The following ITGB3BP variants were observed in gnomAD, a reference collection of about 807,000 sequenced individuals.
ITGB3BP encodes integrin subunit beta 3 binding protein, also known as centromere protein R.
In ITGB3BP, 27 loss-of-function variants were observed where a neutral mutation model predicts 29.1. That is an observed-to-expected ratio of 0.93 (90% confidence interval 0.68 to 1.28). The LOEUF (loss-of-function observed/expected upper bound fraction) is 1.28, where lower values mean the gene tolerates loss of function less well. Ranked by LOEUF, ITGB3BP falls within the 50% of genes most tolerant of loss-of-function variation. The pLI is 0.00. For missense variants in ITGB3BP, 192 were observed against 200.2 expected (o/e 0.96, Z 0.25); for synonymous variants, 61 against 61.4 (o/e 0.99, Z 0.03).
chr1:63,458,677 T>C (rs1368506492), intron 4 of ITGB3BP, among the ~76,000 whole-genome samples: 1 of 152,148 alleles, frequency 6.6e-6, no homozygotes, highest in Non-Finnish European at 1.5e-5. Context: ...TAACTTCCAA[T>C]TGTTTGACAT....
At chr1:63,482,380 A>G (rs1645453858) in intron 3 of ITGB3BP, among the ~76,000 whole-genome samples, 1 of 151,894 alleles carries the variant, frequency 6.6e-6, no homozygotes. Context: ...ACTATAGGCA[A>G]TCATTTTGGT....
intron 1 of ITGB3BP, among the ~76,000 whole-genome samples, chr1:63,522,445 A>C (rs1428109221): frequency 1.3e-5 from 2 of 152,142 alleles, no homozygotes; most frequent in Non-Finnish European, 2.9e-5. Context: ...CCACTCCCCC[A>C]ACCTTTAATG....
intron 2 of ITGB3BP, among the ~76,000 whole-genome samples, chr1:63,500,780 C>G (rs560390217): frequency 1.3e-5 from 2 of 152,018 alleles, no homozygotes; most frequent in Non-Finnish European, 2.9e-5. Context: ...AGTGGACTAA[C>G]TGATCCCAAA....
chr1:63,502,650 G>T (rs899963665), intron 2 of ITGB3BP, among the ~76,000 whole-genome samples: 17 of 147,504 alleles, frequency 1.2e-4, no homozygotes, highest in Non-Finnish European at 2.1e-4. Flanking sequence ...ATCTCCTAAT[G>T]CTATCCCTCT....
chr1:63,515,604 G>T (rs1646297818), intron 1 of ITGB3BP, among the ~76,000 whole-genome samples: 1 of 151,958 alleles, frequency 6.6e-6, no homozygotes, highest in Admixed American at 6.6e-5. Context: ...GAGGTGGGCA[G>T]ATTACAAGGT....
chr1:63,460,016 C>CA (rs374456702), intron 4 of ITGB3BP, among the ~76,000 whole-genome samples: 1,670 of 145,628 alleles, frequency 0.011, 11 homozygotes, highest in African/African-American at 0.028. Context: ...CATTCTTTGT[C>CA]AAAAAAAAAA....
chr1:63,458,069 C>T (rs1246107900), intron 4 of ITGB3BP: 2 of 152,146 alleles, frequency 1.3e-5, no homozygotes, highest in Non-Finnish European at 2.9e-5. Flanking sequence ...AGTTCTCTCA[C>T]ATTCCTCAAA....
intron 1 of ITGB3BP, among the ~76,000 whole-genome samples, chr1:63,514,901 G>A (rs900990940): frequency 6.9e-5 from 10 of 144,552 alleles, no homozygotes; most frequent in Admixed American, 2.8e-4. Flanking sequence ...AGCCAAGATC[G>A]TGCCACTGCA....
In ITGB3BP at chr1:63,453,912, A is replaced by G; in HGVS notation, c.484+6T>C. 1 of 1,549,422 alleles carries G rather than the reference A, an allele frequency of 6.5e-7. No individual in the cohort carries two copies. Among genetic ancestry groups the G allele is most frequent in the South Asian group, 1.1e-5 (1 of 87,578 alleles). On this transcript the variant is annotated splice_donor_region_variant and intron_variant, in intron 7 of 8. Coordinates refer to ENST00000271002, the MANE Select transcript of ITGB3BP (RefSeq NM_014288.5). ...TTATGTAATAAACTAAAACACAACT[A>G]CTTACCTTTGTGAGGAAGTCCTGTA... is the stretch of plus-strand genomic sequence containing the variant.
intron 2 of ITGB3BP, among the ~76,000 whole-genome samples, chr1:63,495,382 T>C (rs968405762): frequency 6.6e-6 from 1 of 152,164 alleles, no homozygotes; most frequent in Non-Finnish European, 1.5e-5. Context: ...TGAAGAATCA[T>C]GAAGTCTTTA....
chr1:63,497,792 C>T (rs890568265), intron 2 of ITGB3BP, among the ~76,000 whole-genome samples: 12 of 152,178 alleles, frequency 7.9e-5, no homozygotes, highest in Non-Finnish European at 1.8e-4. Flanking sequence ...TCCCCGTCTT[C>T]CTGAACTGCA....
chr1:63,528,495 A>C (rs190602437), intron 2 of ITGB3BP, among the ~76,000 whole-genome samples: 1 of 152,300 alleles, frequency 6.6e-6, no homozygotes, highest in Admixed American at 6.5e-5. Context: ...AATAAGACCT[A>C]GTATTTAGCT....
At chr1:63,447,071 G>A (rs913018744) in intron 7 of ITGB3BP, 7 of 520,998 alleles carry the variant, frequency 1.3e-5, no homozygotes, top group Non-Finnish European at 2.1e-5. Context: ...AATTTATTAC[G>A]AAAACTTCCA....
chr1:63,515,376 C>A (rs747606643), intron 1 of ITGB3BP, among the ~76,000 whole-genome samples: 3 of 152,086 alleles, frequency 2.0e-5, no homozygotes, highest in Non-Finnish European at 4.4e-5. Flanking sequence ...GAGTTCATTA[C>A]CAACACTTTA....
intron 4 of ITGB3BP, among the ~76,000 whole-genome samples, chr1:63,458,545 C>T (rs575524178): frequency 2.6e-5 from 4 of 152,044 alleles, no homozygotes; most frequent in South Asian, 2.1e-4. Context: ...TAGATTCCCT[C>T]GGATGCAAGC....
upstream of ITGB3BP, chr1:63,525,643 C>T: frequency 6.2e-7 from 1 of 1,603,594 alleles, no homozygotes; most frequent in Non-Finnish European, 8.5e-7. Flanking sequence ...AGTCCTCGAA[C>T]AAAGAAATTT....
intron 2 of ITGB3BP, among the ~76,000 whole-genome samples, chr1:63,503,546 T>C (rs1645993783): frequency 6.6e-6 from 1 of 152,246 alleles, no homozygotes; most frequent in Non-Finnish European, 1.5e-5. Context: ...TTGTCTTTTG[T>C]TGCCCATTGC....
intron 3 of ITGB3BP, among the ~76,000 whole-genome samples, chr1:63,480,989 T>C (rs985614492): frequency 5.9e-5 from 9 of 152,074 alleles, no homozygotes; most frequent in African/African-American, 2.2e-4. Context: ...TTTCAGAAAA[T>C]CTTTGCCTAA....
intron 7 of ITGB3BP, chr1:63,447,587 C>A: frequency 2.0e-6 from 1 of 499,332 alleles, no homozygotes; most frequent in Admixed American, 2.1e-5. Context: ...GGGAGAGCTT[C>A]ACAGAGGTTG....
Sources: gnomAD v4.1 joint callset for allele counts (sites outside exome capture counted in the v4.1 genomes callset) on GRCh38, gnomAD v4.1.1 for gene constraint, MANE v1.5 for transcripts, NCBI Gene and HGNC (gene_info 2026-07-23, HGNC 2026-07-21) for gene names.